The following CA5A variants were observed in gnomAD, a reference collection of about 807,000 sequenced individuals.
The protein encoded by CA5A is carbonic anhydrase 5A.
CA5A carries 28 observed loss-of-function variants against 37.1 expected under a neutral mutation model. The ratio of observed to expected loss-of-function variants is 0.75; its 90% CI spans 0.56 to 1.03. CA5A has a LOEUF of 1.03. Among genes scored for constraint, CA5A ranks in the 50% least tolerant of loss-of-function variants. CA5A has a pLI of 0.00. For missense variants in CA5A, 444 were observed against 399.9 expected, an observed-to-expected ratio of 1.11 and a Z score of -0.94; for synonymous variants, 171 against 158.4, an observed-to-expected ratio of 1.08 and a Z score of -0.60.
rs1456780994 is a variant in CA5A at position 87,923,838 on chromosome 16, A to T, written c.340+2910T>A. 7.1e-6 allele frequency: 7 copies of T among 984,956 alleles called. No individual in the cohort carries two copies. The African/African-American group carries it at 1.2e-4, about 17-fold the overall frequency. 61.0% of individuals were successfully genotyped at this position (984,956 alleles called of 1,614,324 possible). A position where few individuals can be genotyped will look rare whatever the true frequency, so the allele number is the denominator to read the frequency against. On this transcript the variant is annotated intron_variant, in intron 2 of 6. Coordinates refer to ENST00000649794, the MANE Select transcript of CA5A (RefSeq NM_001739.2). ...ATGAATCCCATAGCAACTCATCTGT[A>T]TCCATGACAACTATTGTTCTCAAAA...
At chr16:87,922,910 A>G (rs768708185) in intron 2 of CA5A, among the ~76,000 whole-genome samples, 12 of 152,258 alleles carry the variant, frequency 7.9e-5, no homozygotes, top group Non-Finnish European at 1.6e-4. Context: ...GAGTTCCCCA[A>G]GCCTTCTTTT....
At chr16:87,922,808 A>G (rs1208264138) in intron 2 of CA5A, among the ~76,000 whole-genome samples, 1 of 152,252 alleles carries the variant, frequency 6.6e-6, no homozygotes, top group Non-Finnish European at 1.5e-5. Flanking sequence ...TGTTGGATGC[A>G]GATTCTTTCT....
intron 2 of CA5A, among the ~76,000 whole-genome samples, chr16:87,915,135 G>C (rs1035395934): frequency 6.6e-6 from 1 of 152,182 alleles, no homozygotes; most frequent in Admixed American, 6.5e-5. Context: ...TGCAGCGCAC[G>C]TCCGACCACA....
chr16:87,888,279 T>G lies in CA5A; in HGVS notation c.775-7A>C, dbSNP rs755978990. On this transcript the variant is annotated splice_region_variant and splice_polypyrimidine_tract_variant and intron_variant, in intron 6 of 6. Coordinates refer to ENST00000649794, the MANE Select transcript of CA5A (RefSeq NM_001739.2). ...GAGTACGAAATGCAGAGAGCTGGAA[T>G]AGAGGGCAGCCAGGGTGAGCTTGGT... 39 of 1,610,798 alleles carry G rather than the reference T, an allele frequency of 2.4e-5. No individual in the cohort carries two copies. In the East Asian group the frequency reaches 8.5e-4, roughly 35 times the overall value.
In CA5A at chr16:87,917,993, G is replaced by A. The variant is rs148890646; in HGVS notation, c.340+8755C>T. Reference sequence around the variant, plus strand: ...ACCGCACAGCCACAGTCCCAGTCCCGACACTGCCAGGATTCCCCTCCAAGG... The same window carrying A: ...ACCGCACAGCCACAGTCCCAGTCCCAACACTGCCAGGATTCCCCTCCAAGG... On this transcript the variant is annotated intron_variant, in intron 2 of 6. Coordinates refer to ENST00000649794, the MANE Select transcript of CA5A (RefSeq NM_001739.2). 3.2e-3 allele frequency among the ~76,000 whole-genome samples: 488 copies of A among 152,262 alleles called. 4 individuals are homozygous for A. Among genetic ancestry groups the A allele is most frequent in the African/African-American group, 0.011 (452 of 41,554 alleles).
rs529701952 is a variant in CA5A at position 87,918,061 on chromosome 16, G to C, written c.340+8687C>G. Among the ~76,000 whole-genome samples, 293 of 152,334 alleles carry C rather than the reference G, an allele frequency of 1.9e-3. 1 individual carries two copies. The highest frequency in any genetic ancestry group is 6.8e-3 in the African/African-American group (281 of 41,578). ...TCTCTCATCTTGGAGCTGCCGATTT[G>C]TGCCCCACTAGAGGAGCCAAGAGGT... On this transcript the variant is annotated intron_variant, in intron 2 of 6. Transcript: ENST00000649794.
Position 87,904,927 on chromosome 16 carries a change from G to A in CA5A, c.341-23C>T, listed in dbSNP as rs372171848. The A allele has an allele frequency of 1.7e-4, 253 of 1,462,282 alleles. 1 individual carries two copies. The highest frequency in any genetic ancestry group is 2.4e-4 in the Non-Finnish European group (246 of 1,041,312). 90.6% of individuals were successfully genotyped at this position (1,462,282 alleles called of 1,614,324 possible). A position where few individuals can be genotyped will look rare whatever the true frequency, so the allele number is the denominator to read the frequency against. On this transcript the variant is annotated intron_variant, in intron 2 of 6. Transcript: ENST00000649794. ...TTCCTGGAAATAAAGGCAGTGAGACGTGTGTGTCATTTTGTCTGTTTGTTG... is the reference window on the plus strand; with the variant it reads ...TTCCTGGAAATAAAGGCAGTGAGACATGTGTGTCATTTTGTCTGTTTGTTG...
downstream of CA5A, chr16:87,886,543 C>A (rs919958246): frequency 3.3e-5 from 5 of 151,992 alleles, no homozygotes; most frequent in African/African-American, 9.7e-5. Flanking sequence ...AAAAAAGATT[C>A]ATGGTTCCCC....
At chr16:87,904,607 G>A (rs1396755209) in intron 3 of CA5A, among the ~76,000 whole-genome samples, 179 bp downstream of exon 3, 5 of 152,278 alleles carry the variant, frequency 3.3e-5, no homozygotes, top group East Asian at 1.9e-4. Flanking sequence ...CGCCTTCCTC[G>A]TAGGAGAGGT....
chr16:87,888,826 C>T (rs752564478), intron 6 of CA5A, among the ~76,000 whole-genome samples: 2 of 152,142 alleles, frequency 1.3e-5, no homozygotes, highest in East Asian at 1.9e-4. Context: ...GATCTCAGCT[C>T]GCTGCAACCT....
rs539845093 is a variant in CA5A, at chr16:87,931,881, C to G, written c.142+4428G>C. 1.3e-4 allele frequency among the ~76,000 whole-genome samples: 19 copies of G among 151,294 alleles called. No homozygotes were observed. In the East Asian group the frequency reaches 3.8e-3, roughly 30 times the overall value. The stretch of plus-strand genomic sequence containing the variant: ...GGCCTCTGTCTGTGTGTCCTTTGTC[C>G]CAGCATCTGCTTTAATTCAGAACGA... On this transcript the variant is annotated intron_variant, in intron 1 of 6. Coordinates refer to ENST00000649794, the MANE Select transcript of CA5A (RefSeq NM_001739.2).
chr16:87,914,967 C>A (rs1267991501), intron 2 of CA5A, among the ~76,000 whole-genome samples: 1 of 152,210 alleles, frequency 6.6e-6, no homozygotes, highest in Non-Finnish European at 1.5e-5. Context: ...AGGAAAACGC[C>A]GGGCACCGAG....
chr16:87,935,935 G>T (rs1244825033), intron 1 of CA5A, among the ~76,000 whole-genome samples: 1 of 152,044 alleles, frequency 6.6e-6, no homozygotes, highest in African/African-American at 2.4e-5. Flanking sequence ...CACTTTGGGA[G>T]GCTGAGACAG....
In CA5A at chr16:87,918,110, C is replaced by T. The variant is rs546898204; in HGVS notation, c.340+8638G>A. 2.6e-4 allele frequency among the ~76,000 whole-genome samples: 40 copies of T among 152,362 alleles called. No individual in the cohort carries two copies. In the South Asian group the frequency reaches 7.2e-3, roughly 28 times the overall value. On this transcript the variant is annotated intron_variant, in intron 2 of 6. Transcript: ENST00000649794. ...GTCCCTAGAGCCTCCTCCTCTGATG[C>T]GGACAGCCTGGCAGGCACCCCCCAA...
chr16:87,921,858 T>C (rs373933882), intron 2 of CA5A, among the ~76,000 whole-genome samples: 33 of 114,120 alleles, frequency 2.9e-4, no homozygotes, highest in African/African-American at 1.2e-3. Context: ...TTGTGTGTTA[T>C]TGTTATTATT....
chr16:87,896,043 C>T (rs962682047), intron 5 of CA5A, among the ~76,000 whole-genome samples: 2 of 152,248 alleles, frequency 1.3e-5, no homozygotes, highest in African/African-American at 4.8e-5. Context: ...GCCTGCCACA[C>T]ATCCCCAGGG....
chr16:87,928,770 T>C (rs1377545658), intron 1 of CA5A, among the ~76,000 whole-genome samples: 2 of 133,844 alleles, frequency 1.5e-5, no homozygotes, highest in South Asian at 5.2e-4. Context: ...GTTTTTTTTT[T>C]TTTTTTTTTT....
At chr16:87,932,070 C>A (rs998901132) in intron 1 of CA5A, among the ~76,000 whole-genome samples, 1 of 151,984 alleles carries the variant, frequency 6.6e-6, no homozygotes, top group African/African-American at 2.4e-5. Context: ...GCTGAGATTG[C>A]GCTATTGCAC....
At position 87,911,172 on chromosome 16, in the gene CA5A, C is replaced by T. The variant is rs1302575483; in HGVS notation, c.341-6268G>A. Among the ~76,000 whole-genome samples, 8 of 152,042 alleles carry T rather than the reference C, an allele frequency of 5.3e-5. No individual in the cohort carries two copies. The highest frequency in any genetic ancestry group is 7.2e-5 in the African/African-American group (3 of 41,380). ...CTTTAAGCTGCCAGCCCCCATCCCC[C>T]GGACTCTGCTATCAGCAGGGCTGGT... On this transcript the variant is annotated intron_variant, in intron 2 of 6. Coordinates refer to ENST00000649794, the MANE Select transcript of CA5A (RefSeq NM_001739.2). This position sits in a 1 kb window ranked among gnomAD's most constrained non-coding sequence, Gnocchi z 4.6.
Sources: gnomAD v4.1 joint callset for allele counts (sites outside exome capture counted in the v4.1 genomes callset) on GRCh38, gnomAD v4.1.1 for gene constraint, Gnocchi (gnomAD v3.1) non-coding constraint, MANE v1.5 for transcripts, NCBI Gene and HGNC (gene_info 2026-07-23, HGNC 2026-07-21) for gene names.